Variants in RNGTT observed in about 807,000 individuals in gnomAD.
RNGTT encodes the protein mRNA-capping enzyme.
In RNGTT, 33 loss-of-function variants were observed where a neutral mutation model predicts 79.3. The observed-to-expected ratio is 0.42, with a 90% CI of 0.32 to 0.56. The LOEUF (loss-of-function observed/expected upper bound fraction) is 0.56. RNGTT is among the 20% of genes least tolerant of loss of function. The pLI is 0.17. For synonymous variants in RNGTT, 222 were observed against 235.9 expected (o/e 0.94, Z 0.54); for missense variants, 497 against 739.1 (o/e 0.67, Z 3.80).
chr6:88,678,358 T>C lies in RNGTT; in HGVS notation c.1501A>G (p.Ile501Val). 1.9e-6 allele frequency: 3 copies of C among 1,579,892 alleles called. No individual in the cohort carries two copies. The highest frequency in any genetic ancestry group is 2.6e-6 in the Non-Finnish European group (3 of 1,160,182). ...VGGYERPFAQ[I>V]KVTKELKQYD... is the part of the protein sequence containing the mutation. ...CTGAAAATGAACAAACATACCTTGA[T>C]TTGTGCAAAGGGTCTTTCATAACCT... The change falls in exon 14 of 16, where the codon ATC becomes GTC. Residue 501 changes from isoleucine (I) to valine (V), a missense_variant. Ile to Val is a conservative substitution (Grantham distance 29, BLOSUM62 3). Transcript: ENST00000369485.
chr6:88,899,401 A>G (rs1251869271), intron 6 of RNGTT, among the ~76,000 whole-genome samples: 1 of 151,972 alleles, frequency 6.6e-6, no homozygotes, highest in Non-Finnish European at 1.5e-5. Flanking sequence ...CCTCAGCCTC[A>G]TAAGTAGCTG....
At chr6:88,674,821 G>C (rs1774798429) in intron 14 of RNGTT, among the ~76,000 whole-genome samples, 1 of 152,146 alleles carries the variant, frequency 6.6e-6, no homozygotes, top group Non-Finnish European at 1.5e-5. Context: ...TTCTGGCCAG[G>C]TGCAGTGGCT....
chr6:88,923,313 CTCTT>C (rs1434132962), intron 4 of RNGTT, among the ~76,000 whole-genome samples: 2 of 152,144 alleles, frequency 1.3e-5, no homozygotes, highest in African/African-American at 4.8e-5. Flanking sequence ...TTTCACATAA[CTCTT>C]TATGTCCATC....
intron 11 of RNGTT, among the ~76,000 whole-genome samples, chr6:88,821,992 T>C (rs982045415): frequency 1.3e-5 from 2 of 151,770 alleles, no homozygotes; most frequent in African/African-American, 4.8e-5. Context: ...TGAAAACAAA[T>C]GGGAAAAGCT....
chr6:88,619,655 T>C (rs968982953), intron 14 of RNGTT, among the ~76,000 whole-genome samples: 4 of 142,644 alleles, frequency 2.8e-5, no homozygotes, highest in South Asian at 2.1e-4. Flanking sequence ...TTTTTGTACA[T>C]AGAGTTAAAC....
At chr6:88,827,506 A>G (rs1052125990) in intron 11 of RNGTT, among the ~76,000 whole-genome samples, 1 of 152,062 alleles carries the variant, frequency 6.6e-6, no homozygotes, top group Admixed American at 6.5e-5. Flanking sequence ...TTTTATTTTC[A>G]TACTCCAGAG....
At chr6:88,810,470 G>A (rs1336790492) in intron 11 of RNGTT, among the ~76,000 whole-genome samples, 1 of 152,122 alleles carries the variant, frequency 6.6e-6, no homozygotes, top group East Asian at 1.9e-4. Context: ...CCAAACATTG[G>A]GAAGTGTATT....
At chr6:88,801,822 G>GACACAGAC (rs1435986417) in intron 11 of RNGTT, among the ~76,000 whole-genome samples, 190 bp from the exon 12 acceptor site, 1 of 123,174 alleles carries the variant, frequency 8.1e-6, no homozygotes, top group African/African-American at 2.8e-5. Context: ...CACACACACA[G>GACACAGAC]ACACACACAC....
At chr6:88,909,331 G>T (rs1248437390) in intron 4 of RNGTT, among the ~76,000 whole-genome samples, 1 of 151,904 alleles carries the variant, frequency 6.6e-6, no homozygotes, top group Non-Finnish European at 1.5e-5. Flanking sequence ...CCATCGGCTG[G>T]GCTGCAAACC....
intron 13 of RNGTT, among the ~76,000 whole-genome samples, chr6:88,754,726 G>A (rs1370149978): frequency 6.6e-6 from 1 of 152,174 alleles, no homozygotes; most frequent in African/African-American, 2.4e-5. Context: ...TACCCAGGGA[G>A]GAAAACCACT....
At chr6:88,639,443 T>C (rs530024766) in intron 14 of RNGTT, among the ~76,000 whole-genome samples, 20 of 152,064 alleles carry the variant, frequency 1.3e-4, no homozygotes, top group Non-Finnish European at 2.6e-4. Flanking sequence ...AGGCAAAATC[T>C]CAAAAAGTAA....
chr6:88,814,331 C>T lies in RNGTT; in HGVS notation c.1270-12699G>A, dbSNP rs529532910. Among the ~76,000 whole-genome samples the T allele has an allele frequency of 2.0e-5, 3 of 152,282 alleles. No individual in the cohort carries two copies. The South Asian group carries it at 6.2e-4, about 32-fold the overall frequency. On this transcript the variant is annotated intron_variant, in intron 11 of 15. Transcript: ENST00000369485. The stretch of plus-strand genomic sequence containing the variant: ...ATTTCCTTTCTTCAAACTATTTCTA[C>T]TCACTATGCTACTCACTGACTTTCT...
intron 13 of RNGTT, among the ~76,000 whole-genome samples, chr6:88,716,837 G>A (rs2127810642): frequency 6.6e-6 from 1 of 152,242 alleles, no homozygotes; most frequent in African/African-American, 2.4e-5. Flanking sequence ...GGAGCAGGGA[G>A]GGACAGCATT....
intron 6 of RNGTT, among the ~76,000 whole-genome samples, chr6:88,902,614 A>G (rs551985843): frequency 6.6e-6 from 1 of 152,114 alleles, no homozygotes; most frequent in Admixed American, 6.5e-5. Context: ...AAATAAACAA[A>G]TAAGATTTTT....
chr6:88,788,545 C>T (rs1275649263), intron 12 of RNGTT, among the ~76,000 whole-genome samples: 1 of 152,178 alleles, frequency 6.6e-6, no homozygotes, highest in African/African-American at 2.4e-5. Context: ...ACATCATTTA[C>T]TTAGCAGCTA....
intron 13 of RNGTT, among the ~76,000 whole-genome samples, chr6:88,694,684 A>G (rs1416911558): frequency 6.6e-6 from 1 of 152,202 alleles, no homozygotes; most frequent in Non-Finnish European, 1.5e-5. Context: ...CACTACTACT[A>G]ATTTCAAACT....
At chr6:88,715,679 G>C (rs1313363653) in intron 13 of RNGTT, among the ~76,000 whole-genome samples, 2 of 152,128 alleles carry the variant, frequency 1.3e-5, no homozygotes, top group African/African-American at 2.4e-5. Context: ...ACAACCATCT[G>C]ATCTTTCACA....
At chr6:88,884,484 G>A (rs979117240) in intron 8 of RNGTT, among the ~76,000 whole-genome samples, 1 of 152,108 alleles carries the variant, frequency 6.6e-6, no homozygotes, top group Non-Finnish European at 1.5e-5. Flanking sequence ...AATGCAAGAA[G>A]GGTAAATCAG....
intron 11 of RNGTT, among the ~76,000 whole-genome samples, chr6:88,812,096 CA>C (rs1287430557): frequency 2.0e-5 from 3 of 152,160 alleles, no homozygotes; most frequent in Non-Finnish European, 2.9e-5. Flanking sequence ...ACAAAGCCAA[CA>C]TCATTATCTT....
Sources: gnomAD v4.1 joint callset for allele counts (sites outside exome capture counted in the v4.1 genomes callset) on GRCh38, gnomAD v4.1.1 for gene constraint, MANE v1.5 for transcripts, NCBI Gene and HGNC (gene_info 2026-07-23, HGNC 2026-07-21) for gene names.